APP: variants seen among roughly 807,000 people sequenced by gnomAD.
The protein encoded by APP is amyloid beta precursor protein.
Under a neutral mutation model 101.4 loss-of-function variants are expected in APP, and 31 were observed. That is an observed-to-expected ratio of 0.31 (90% CI 0.23 to 0.41). The LOEUF (loss-of-function observed/expected upper bound fraction) is 0.41. APP is among the 10% of genes least tolerant of loss of function. The pLI is 1.00. For missense variants in APP, 839 were observed against 1,003.7 expected, an observed-to-expected ratio of 0.84 and a Z score of 2.22; for synonymous variants, 366 against 364.4, an observed-to-expected ratio of 1.00 and a Z score of -0.05.
At chr21:26,134,811 G>A (rs2062862252) in intron 1 of APP, among the ~76,000 whole-genome samples, 1 of 152,190 alleles carries the variant, frequency 6.6e-6, no homozygotes, top group African/African-American at 2.4e-5. Flanking sequence ...TAGCACTGGA[G>A]ATTCCAAGGA....
At chr21:25,983,551 A>G (rs1028377803) in intron 8 of APP, among the ~76,000 whole-genome samples, 5 of 152,258 alleles carry the variant, frequency 3.3e-5, no homozygotes, top group African/African-American at 9.6e-5. Context: ...ACATCCTTCA[A>G]GAAAATGTCT....
chr21:26,165,282 C>T (rs1030039774), intron 1 of APP, among the ~76,000 whole-genome samples: 39 of 152,350 alleles, frequency 2.6e-4, no homozygotes, highest in Admixed American at 1.1e-3. Context: ...GCAACTAACA[C>T]ACAGTGCTTA....
At chr21:26,066,473 C>T (rs1406178522) in intron 3 of APP, among the ~76,000 whole-genome samples, 2 of 150,088 alleles carry the variant, frequency 1.3e-5, no homozygotes, top group Admixed American at 6.6e-5. Context: ...CATTCCCCCA[C>T]CTCCACTCCC....
chr21:25,911,034 T>C (rs867388782), intron 14 of APP, among the ~76,000 whole-genome samples: 1 of 152,224 alleles, frequency 6.6e-6, no homozygotes, highest in African/African-American at 2.4e-5. Flanking sequence ...TAAACACAAG[T>C]TGAATTTTGT....
At chr21:26,000,843 A>C (rs982429725) in intron 6 of APP, among the ~76,000 whole-genome samples, 1 of 151,526 alleles carries the variant, frequency 6.6e-6, no homozygotes, top group South Asian at 2.1e-4. Context: ...TTTTATTTGT[A>C]TATTAAAATA....
chr21:25,983,866 A>C (rs1157393566), intron 8 of APP, among the ~76,000 whole-genome samples: 1 of 152,194 alleles, frequency 6.6e-6, no homozygotes, highest in Non-Finnish European at 1.5e-5. Flanking sequence ...GAAGGAAGGA[A>C]GGAAGGAAAG....
rs145277462 is a variant in APP, at chr21:25,881,766, G to A, written c.2217C>T (p.Asp739=). The A allele has an allele frequency of 2.2e-4, 350 of 1,613,388 alleles. 1 individual carries two copies. In the African/African-American group the frequency reaches 3.4e-3, roughly 16 times the overall value. The change falls in exon 18 of 18, where the codon GAC becomes GAT. Residue 739 remains aspartate, a synonymous_variant. Coordinates refer to ENST00000346798, the MANE Select transcript of APP (RefSeq NM_000484.4). ...TSIHHGVVEV[D]AAVTPEERHL... is the part of the protein sequence containing the mutation. ...GGCGCTCCTCTGGGGTGACAGCGGCGTCAACCTGAAAAACAAGAGGAGAGC... is the reference window on the plus strand; with the variant it reads ...GGCGCTCCTCTGGGGTGACAGCGGCATCAACCTGAAAAACAAGAGGAGAGC...
chr21:26,126,434 A>C (rs1183288198), intron 1 of APP, among the ~76,000 whole-genome samples: 1 of 152,186 alleles, frequency 6.6e-6, no homozygotes. Flanking sequence ...TGTACGGCCA[A>C]TCTCCAGTCA....
At chr21:26,110,419 C>A (rs1295996658) in intron 2 of APP, among the ~76,000 whole-genome samples, 2 of 151,902 alleles carry the variant, frequency 1.3e-5, no homozygotes, top group African/African-American at 2.4e-5. Context: ...GCACTCCATC[C>A]TGGGCGACAG....
chr21:25,988,308 A>AC (rs2042715342), intron 8 of APP, among the ~76,000 whole-genome samples: 1 of 152,172 alleles, frequency 6.6e-6, no homozygotes, highest in Non-Finnish European at 1.5e-5. Context: ...ATTCTGAGGG[A>AC]CCAGCGTGGG....
At chr21:26,128,349 T>C (rs1207766730) in intron 1 of APP, among the ~76,000 whole-genome samples, 1 of 152,226 alleles carries the variant, frequency 6.6e-6, no homozygotes, top group Admixed American at 6.5e-5. Context: ...CAATTTACTA[T>C]CCGTGAATCA....
chr21:25,978,919 T>G (rs1487896068), intron 9 of APP, among the ~76,000 whole-genome samples: 1 of 152,124 alleles, frequency 6.6e-6, no homozygotes, highest in Non-Finnish European at 1.5e-5. Flanking sequence ...GCCACTGCAC[T>G]CCAGCTGGGT....
At position 25,997,555 on chromosome 21, in the gene APP, C is replaced by T. The variant is rs1404326313; in HGVS notation, c.1034-139G>A. On this transcript the variant is annotated intron_variant, in intron 7 of 17. Coordinates refer to ENST00000346798, the MANE Select transcript of APP (RefSeq NM_000484.4). ...TTAGGTTTGGTCCCTCCAACAAAAC[C>T]AAAATGAACATATAAACATAAGATC... 2.4e-5 allele frequency: 17 copies of T among 718,010 alleles called. 1 individual carries two copies. The highest frequency in any genetic ancestry group is 3.5e-5 in the Non-Finnish European group (14 of 403,698). The allele number at this position is 718,010 out of a possible 1,614,324, so 44.5% of individuals were successfully genotyped here. A position where few individuals can be genotyped will look rare whatever the true frequency, so the allele number is the denominator to read the frequency against.
chr21:25,992,967 A>G (rs375835260), intron 8 of APP, among the ~76,000 whole-genome samples: 3 of 152,222 alleles, frequency 2.0e-5, no homozygotes, highest in South Asian at 2.1e-4. Context: ...ATTTGGCCAA[A>G]GATTAAATGG....
intron 3 of APP, chr21:26,089,694 C>A: frequency 2.6e-6 from 1 of 389,450 alleles, no homozygotes. Flanking sequence ...AGTCCTGGAA[C>A]TGGCCCAGGA....
intron 1 of APP, among the ~76,000 whole-genome samples, chr21:26,166,113 C>T (rs950803156): frequency 6.6e-6 from 1 of 152,122 alleles, no homozygotes; most frequent in South Asian, 2.1e-4. Context: ...CTTAAGCCAT[C>T]CACACTAAAC....
At chr21:25,988,185 G>A (rs951948223) in intron 8 of APP, among the ~76,000 whole-genome samples, 3 of 152,120 alleles carry the variant, frequency 2.0e-5, no homozygotes, top group Admixed American at 2.0e-4. Flanking sequence ...GAAGCTGGCT[G>A]GCAAATTCCA....
intron 3 of APP, among the ~76,000 whole-genome samples, chr21:26,077,054 C>T (rs372305224): frequency 8.8e-6 from 1 of 113,018 alleles, no homozygotes; most frequent in Non-Finnish European, 1.8e-5. Context: ...CAGAGTGAGA[C>T]TCTGTCTCAA....
chr21:26,076,115 A>G (rs1326878399), intron 3 of APP, among the ~76,000 whole-genome samples: 1 of 152,100 alleles, frequency 6.6e-6, no homozygotes, highest in Non-Finnish European at 1.5e-5. Context: ...GCTGGTCTCC[A>G]ACTCCTAACC....
Sources: gnomAD v4.1 joint callset for allele counts (sites outside exome capture counted in the v4.1 genomes callset) on GRCh38, gnomAD v4.1.1 for gene constraint, MANE v1.5 for transcripts, NCBI Gene and HGNC (gene_info 2026-07-23, HGNC 2026-07-21) for gene names.